MAP2: variants seen among roughly 807,000 people sequenced by gnomAD.
MAP2 encodes microtubule-associated protein 2.
In MAP2, 14 loss-of-function variants were observed where a neutral mutation model predicts 137.6. The observed-to-expected ratio is 0.10, with a 90% CI of 0.07 to 0.16. MAP2 has a LOEUF of 0.16. Ranked by LOEUF, MAP2 falls within the 10% of genes least tolerant of loss-of-function variation. The probability of loss-of-function intolerance (pLI) is 1.00; values close to 1 mark genes in which losing one functional copy is unlikely to be tolerated. For missense variants in MAP2, 2,088 were observed against 2,191.5 expected (o/e 0.95, Z 0.94); for synonymous variants, 786 against 782.3 (o/e 1.00, Z -0.08).
intron 1 of MAP2, among the ~76,000 whole-genome samples, chr2:209,425,199 G>A (rs2149218663): frequency 1.3e-5 from 2 of 152,254 alleles, no homozygotes; most frequent in Middle Eastern, 3.4e-3. Context: ...CAGGATTTTT[G>A]TCAGAAAATA....
At chr2:209,715,028 A>G (rs1182733413) in intron 13 of MAP2, among the ~76,000 whole-genome samples, 1 of 152,158 alleles carries the variant, frequency 6.6e-6, no homozygotes, top group Non-Finnish European at 1.5e-5. Context: ...CTAAACTTTT[A>G]TTATATTTTC....
intron 5 of MAP2, among the ~76,000 whole-genome samples, chr2:209,655,346 A>G (rs2153615461): frequency 6.6e-6 from 1 of 152,342 alleles, no homozygotes; most frequent in East Asian, 1.9e-4. Context: ...AATCCAAACT[A>G]AACTATGGTG....
chr2:209,683,106 C>G (rs2055447576), intron 7 of MAP2, among the ~76,000 whole-genome samples: 1 of 152,130 alleles, frequency 6.6e-6, no homozygotes, highest in Non-Finnish European at 1.5e-5. Flanking sequence ...ATTCACCCAG[C>G]CTGCTTCCTG....
intron 2 of MAP2, among the ~76,000 whole-genome samples, chr2:209,522,293 T>A (rs538175278): frequency 1.7e-3 from 255 of 152,270 alleles, no homozygotes; most frequent in African/African-American, 5.9e-3. Flanking sequence ...ATATGGCTAA[T>A]GCAAAACCAA....
chr2:209,500,728 A>G (rs1055543389), intron 1 of MAP2, among the ~76,000 whole-genome samples: 4 of 151,430 alleles, frequency 2.6e-5, no homozygotes, highest in African/African-American at 7.3e-5. Context: ...ACTAAAAAAC[A>G]TAACAAACAA....
At chr2:209,527,112 C>T (rs2064182434) in intron 2 of MAP2, among the ~76,000 whole-genome samples, 1 of 152,122 alleles carries the variant, frequency 6.6e-6, no homozygotes, top group South Asian at 2.1e-4. Flanking sequence ...CAAAGTTACA[C>T]ATTAGAATTG....
intron 4 of MAP2, among the ~76,000 whole-genome samples, chr2:209,643,872 A>G (rs547094188): frequency 9.9e-5 from 15 of 152,186 alleles, no homozygotes; most frequent in Non-Finnish European, 1.8e-4. Context: ...GAAAGACCCA[A>G]CTTCTATTTG....
chr2:209,680,737 G>A lies in MAP2; in HGVS notation c.377-13G>A. ...AATTATTGCATCTCATTTTTCTATTGTTTGATCTTTAGCAGCTGAAGAAAC... is the reference window on the plus strand; with the variant it reads ...AATTATTGCATCTCATTTTTCTATTATTTGATCTTTAGCAGCTGAAGAAAC... On this transcript the variant is annotated splice_polypyrimidine_tract_variant and intron_variant, in intron 6 of 15. Coordinates refer to ENST00000682079, the MANE Select transcript of MAP2 (RefSeq NM_001375505.1). 1 of 1,611,004 alleles carries A rather than the reference G, an allele frequency of 6.2e-7. No homozygotes were observed. The highest frequency in any genetic ancestry group is 8.5e-7 in the Non-Finnish European group (1 of 1,177,424).
At chr2:209,615,679 C>G (rs1419647408) in intron 3 of MAP2, among the ~76,000 whole-genome samples, 1 of 152,216 alleles carries the variant, frequency 6.6e-6, no homozygotes, top group African/African-American at 2.4e-5. Flanking sequence ...ACAGGCAGGT[C>G]CCCGGTGAAA....
At position 209,696,713 on chromosome 2, in the gene MAP2, G is replaced by A; in HGVS notation, c.4352G>A (p.Ser1451Asn). 6.2e-7 allele frequency: 1 copy of A among 1,613,790 alleles called. No homozygotes were observed. The highest frequency in any genetic ancestry group is 8.5e-7 in the Non-Finnish European group (1 of 1,179,936). ...PERKVAKKEP[S>N]TVSRDEVRRK... ...AGAAAAGTAGCTAAAAAGGAACCTA[G>A]CACAGTCTCCAGAGATGAAGTGAGA... Residue 1451 changes from serine to asparagine, a missense_variant, in exon 9 of 16, where the codon AGC becomes AAC. Coordinates refer to ENST00000682079, the MANE Select transcript of MAP2 (RefSeq NM_001375505.1).
Position 209,695,390 on chromosome 2 carries a change from G to A in MAP2, c.3220G>A (p.Ala1074Thr), listed in dbSNP as rs199753872. 4.9e-5 allele frequency: 79 copies of A among 1,613,264 alleles called. 1 individual carries two copies. Among genetic ancestry groups the A allele is most frequent in the Admixed American group, 6.7e-5 (4 of 59,954 alleles). Residue 1074 changes from alanine (A) to threonine (T), a missense_variant, in exon 8 of 16, where the codon GCT becomes ACT. Ala to Thr is a moderately conservative substitution (Grantham distance 58). This residue lies in a region of MAP2 where 500 missense variants were observed against 482.9 expected (regional missense o/e 1.04). Coordinates refer to ENST00000682079, the MANE Select transcript of MAP2 (RefSeq NM_001375505.1). ...DRRATELKLE[A>T]TQDMTPSSKA... ...AAGGGCAACAGAGCTAAAACTTGAG[G>A]CTACACAGGACATGACCCCCTCATC...
rs142787129 is a variant in MAP2 at position 209,722,787 on chromosome 2, G to T, written c.5074-2922G>T. On this transcript the variant is annotated intron_variant, in intron 13 of 15. Coordinates refer to ENST00000682079, the MANE Select transcript of MAP2 (RefSeq NM_001375505.1). ...ATGAATGTTTGACTTCCCAAAAATAGAAATAAAACACCTAACCTCAAATCT... is the reference window on the plus strand; with the variant it reads ...ATGAATGTTTGACTTCCCAAAAATATAAATAAAACACCTAACCTCAAATCT... Among the ~76,000 whole-genome samples, 67 of 152,264 alleles carry T rather than the reference G, an allele frequency of 4.4e-4. No individual in the cohort carries two copies. In the East Asian group the frequency reaches 0.01, roughly 23 times the overall value.
At chr2:209,543,890 T>C (rs1158504305) in intron 2 of MAP2, among the ~76,000 whole-genome samples, 1 of 152,192 alleles carries the variant, frequency 6.6e-6, no homozygotes, top group African/African-American at 2.4e-5. Flanking sequence ...ATGATGTCTG[T>C]CTCTCTAAAA....
chr2:209,493,106 A>G (rs1369921998), intron 1 of MAP2, among the ~76,000 whole-genome samples: 1 of 152,204 alleles, frequency 6.6e-6, no homozygotes, highest in Admixed American at 6.5e-5. Context: ...AACAGAACAG[A>G]GGCCTCAGAA....
At chr2:209,505,402 C>T (rs149976825) in intron 1 of MAP2, among the ~76,000 whole-genome samples, 153 of 152,298 alleles carry the variant, frequency 1.0e-3, no homozygotes, top group African/African-American at 3.5e-3. Flanking sequence ...CTGCCCAGCC[C>T]TCAAACCTTG....
chr2:209,495,198 G>A (rs1167853673), intron 1 of MAP2, among the ~76,000 whole-genome samples: 2 of 152,208 alleles, frequency 1.3e-5, no homozygotes, highest in Non-Finnish European at 2.9e-5. Context: ...GGGGCTTGTG[G>A]ATAAAACTCC....
chr2:209,653,207 C>T lies in MAP2; in HGVS notation c.37C>T (p.His13Tyr). The T allele has an allele frequency of 6.2e-7, 1 of 1,612,510 alleles. No homozygotes were observed. Among genetic ancestry groups the T allele is most frequent in the Non-Finnish European group, 8.5e-7 (1 of 1,179,402 alleles). ...DERKDEAKAPHWTSAPLTEAS... is the reference protein window; with the variant it reads ...DERKDEAKAPYWTSAPLTEAS... Reference sequence around the variant, plus strand: ...ACGGAAAGATGAAGCAAAGGCACCTCACTGGACCTCAGCACCGCTAACAGA... The same window carrying T: ...ACGGAAAGATGAAGCAAAGGCACCTTACTGGACCTCAGCACCGCTAACAGA... Residue 13 changes from histidine to tyrosine, a missense_variant, in exon 5 of 16, where the codon CAC becomes TAC. Physicochemically the swap from His to Tyr is moderately conservative, Grantham distance 83 (BLOSUM62 2). Transcript: ENST00000682079.
chr2:209,681,274 A>G (rs552483074), intron 7 of MAP2, among the ~76,000 whole-genome samples: 122 of 152,158 alleles, frequency 8.0e-4, no homozygotes, highest in Non-Finnish European at 1.3e-3. Context: ...TCACTGTTAT[A>G]TTGCCAAGAC....
intron 1 of MAP2, among the ~76,000 whole-genome samples, chr2:209,472,392 T>C (rs13015411): frequency 0.03 from 4,576 of 152,220 alleles, 88 homozygotes; most frequent in South Asian, 0.069. Context: ...CAGGAAGCTG[T>C]TGAAGGCCAA....
Sources: gnomAD v4.1 joint callset for allele counts (sites outside exome capture counted in the v4.1 genomes callset) on GRCh38, gnomAD v4.1.1 for gene constraint, gnomAD v4.1.1 regional missense constraint, MANE v1.5 for transcripts, NCBI Gene and HGNC (gene_info 2026-07-23, HGNC 2026-07-21) for gene names.